RBPJ: variants seen among roughly 807,000 people sequenced by gnomAD.
RBPJ encodes recombination signal binding protein for immunoglobulin kappa J region.
A neutral mutation model predicts 67.8 loss-of-function variants in RBPJ; 9 were observed. The ratio of observed to expected loss-of-function variants is 0.13; its 90% confidence interval spans 0.08 to 0.23. The LOEUF is 0.23. RBPJ is among the 10% of genes least tolerant of loss of function. The pLI is 1.00. For missense variants in RBPJ, 305 were observed against 595.6 expected (o/e 0.51, Z 5.08); for synonymous variants, 198 against 203.3 (o/e 0.97, Z 0.22).
intron 5 of RBPJ, 57 bp downstream of exon 5, chr4:26,420,782 T>C: frequency 1.4e-6 from 2 of 1,404,278 alleles, no homozygotes; most frequent in Non-Finnish European, 1.9e-6. Flanking sequence ...TAAGACAGAC[T>C]CTTTTTTAAA....
chr4:26,243,055 C>T (rs371060381), intron 1 of RBPJ, among the ~76,000 whole-genome samples: 5 of 151,972 alleles, frequency 3.3e-5, no homozygotes, highest in Non-Finnish European at 7.4e-5. Flanking sequence ...GGAGAAACCC[C>T]GTCTCTACTA....
At chr4:26,235,846 T>G (rs2109211529) in intron 1 of RBPJ, among the ~76,000 whole-genome samples, 1 of 152,392 alleles carries the variant, frequency 6.6e-6, no homozygotes, top group South Asian at 2.1e-4. Flanking sequence ...AATGACAGAT[T>G]GTTGGCTAAG....
In RBPJ at chr4:26,261,854, G is replaced by T. The variant is rs148238704; in HGVS notation, c.-167+98240G>T. On this transcript the variant is annotated intron_variant, in intron 1 of 4. Transcript: ENST00000512351. ...TTAATTGATTTGCCATCATAAAAAA[G>T]GTTCTCAGCCATTTATACCAGAACT... 2.7e-3 allele frequency among the ~76,000 whole-genome samples: 410 copies of T among 152,192 alleles called. 2 individuals are homozygous for T. The highest frequency in any genetic ancestry group is 9.4e-3 in the African/African-American group (389 of 41,524).
At chr4:26,324,852 TG>T (rs1231368324) in intron 1 of RBPJ, among the ~76,000 whole-genome samples, 1 of 152,196 alleles carries the variant, frequency 6.6e-6, no homozygotes, top group Non-Finnish European at 1.5e-5. Flanking sequence ...ATTTAACAAA[TG>T]GTAGTACAAC....
At chr4:26,243,813 G>GGCCA (rs1284128236) in intron 1 of RBPJ, among the ~76,000 whole-genome samples, 4 of 152,050 alleles carry the variant, frequency 2.6e-5, no homozygotes, top group African/African-American at 9.7e-5. Context: ...CTCCTCCCTT[G>GGCCA]GCCAGGCACA....
At chr4:26,267,563 T>C (rs1249142075) in intron 1 of RBPJ, among the ~76,000 whole-genome samples, 1 of 152,090 alleles carries the variant, frequency 6.6e-6, no homozygotes, top group African/African-American at 2.4e-5. Flanking sequence ...TGTGTGTATA[T>C]ATGTGTATAA....
intron 1 of RBPJ, among the ~76,000 whole-genome samples, chr4:26,293,799 C>G (rs7689800): frequency 0.55 from 84,071 of 152,004 alleles, 24,088 homozygotes; most frequent in Admixed American, 0.66. Flanking sequence ...GATTTGTCAC[C>G]AAGGCTGGAG....
upstream of RBPJ, among the ~76,000 whole-genome samples, chr4:26,158,808 A>G: frequency 6.6e-6 from 1 of 152,228 alleles, no homozygotes. Context: ...CTGATTCTTC[A>G]CTACTTGCCT....
intron 1 of RBPJ, among the ~76,000 whole-genome samples, chr4:26,205,106 G>A (rs535056600): frequency 3.3e-5 from 5 of 152,298 alleles, no homozygotes; most frequent in East Asian, 3.9e-4. Flanking sequence ...CAGGGCTCCC[G>A]CTGGCCACCA....
intron 1 of RBPJ, among the ~76,000 whole-genome samples, chr4:26,327,867 T>G (rs1486666492): frequency 6.6e-6 from 1 of 152,112 alleles, no homozygotes; most frequent in Non-Finnish European, 1.5e-5. Context: ...TTTCACTCTA[T>G]AAAACTTTTT....
intron 1 of RBPJ, among the ~76,000 whole-genome samples, chr4:26,260,249 C>T (rs999141659): frequency 6.6e-6 from 1 of 152,122 alleles, no homozygotes; most frequent in African/African-American, 2.4e-5. Context: ...TTGTCTAATA[C>T]AAATACATAT....
chr4:26,238,909 T>C (rs1719542073), intron 1 of RBPJ, among the ~76,000 whole-genome samples: 1 of 151,764 alleles, frequency 6.6e-6, no homozygotes, highest in Non-Finnish European at 1.5e-5. Context: ...AAGCAGCAGG[T>C]GAGAGAGCCA....
the RBPJ span, among the ~76,000 whole-genome samples, chr4:26,132,680 C>T: frequency 6.6e-6 from 1 of 152,160 alleles, no homozygotes; most frequent in Non-Finnish European, 1.5e-5. Flanking sequence ...CTGACTTAGC[C>T]CTACAGTCTA....
chr4:26,288,225 C>T (rs773740333), intron 1 of RBPJ, among the ~76,000 whole-genome samples: 4 of 152,172 alleles, frequency 2.6e-5, no homozygotes, highest in Admixed American at 6.5e-5. Context: ...CCAGGAGTGG[C>T]TTAGCTGGGA....
chr4:26,358,796 A>G (rs370347332), intron 1 of RBPJ, among the ~76,000 whole-genome samples: 1 of 151,994 alleles, frequency 6.6e-6, no homozygotes, highest in East Asian at 1.9e-4. Flanking sequence ...AAAAAAAAAA[A>G]AAGTCCATTC....
chr4:26,156,828 G>T, the RBPJ span, among the ~76,000 whole-genome samples: 1 of 152,144 alleles, frequency 6.6e-6, no homozygotes, highest in Non-Finnish European at 1.5e-5. Flanking sequence ...CCAGCACTTT[G>T]GGCAGCAGAG....
At chr4:26,271,277 C>G (rs1720908535) in intron 1 of RBPJ, among the ~76,000 whole-genome samples, 1 of 152,152 alleles carries the variant, frequency 6.6e-6, no homozygotes, top group South Asian at 2.1e-4. Flanking sequence ...TTGGTGCCAT[C>G]TTTGATTTCA....
At chr4:26,118,721 A>C in the RBPJ span, among the ~76,000 whole-genome samples, 8 of 152,186 alleles carry the variant, frequency 5.3e-5, no homozygotes, top group African/African-American at 1.9e-4. Flanking sequence ...TTCATATGTT[A>C]CACCTTGAGG....
intron 1 of RBPJ, among the ~76,000 whole-genome samples, chr4:26,200,425 T>C (rs1038379896): frequency 6.6e-6 from 1 of 152,030 alleles, no homozygotes; most frequent in Non-Finnish European, 1.5e-5. Context: ...TCTCAGAACT[T>C]TGGGAGCCTG....
Sources: gnomAD v4.1 joint callset for allele counts (sites outside exome capture counted in the v4.1 genomes callset) on GRCh38, gnomAD v4.1.1 for gene constraint, MANE v1.5 for transcripts, NCBI Gene and HGNC (gene_info 2026-07-23, HGNC 2026-07-21) for gene names.